The following AGBL1 variants were observed in gnomAD, a reference collection of about 807,000 sequenced individuals.
AGBL1 encodes the protein cytosolic carboxypeptidase 4.
AGBL1 carries 130 observed loss-of-function variants against 118.9 expected under a neutral mutation model. The ratio of observed to expected loss-of-function variants is 1.09; its 90% confidence interval spans 0.95 to 1.26. AGBL1 has a LOEUF of 1.26. AGBL1 is among the 50% of genes most tolerant of loss of function. The probability of loss-of-function intolerance (pLI) is 0.00; values close to 1 mark genes in which losing one functional copy is unlikely to be tolerated. For synonymous variants in AGBL1, 555 were observed against 478.9 expected, an observed-to-expected ratio of 1.16 and a Z score of -2.08; for missense variants, 1,584 against 1,298.1, an observed-to-expected ratio of 1.22 and a Z score of -3.38.
At chr15:86,223,680 G>T (rs541319848) in intron 5 of AGBL1, among the ~76,000 whole-genome samples, 5 of 152,256 alleles carry the variant, frequency 3.3e-5, no homozygotes, top group South Asian at 4.1e-4. Flanking sequence ...CTCCCTGAGT[G>T]GGGGTGTCAT....
intron 23 of AGBL1, among the ~76,000 whole-genome samples, chr15:86,936,057 C>A (rs779255281): frequency 4.6e-5 from 7 of 152,190 alleles, no homozygotes; most frequent in African/African-American, 1.7e-4. Context: ...GCAGAGCGGC[C>A]GAGGATGGGT....
Position 86,674,628 on chromosome 15 carries a change from T to C in AGBL1, c.3158+192T>C, listed in dbSNP as rs570690494. On this transcript the variant is annotated intron_variant, in intron 22 of 22. Transcript: ENST00000614907. ...AGGATGCTGCCTGTTTGTACACATA[T>C]ATGCAAATATAAAACTATATGTATT... 2.6e-5 allele frequency among the ~76,000 whole-genome samples: 4 copies of C among 152,282 alleles called. No homozygotes were observed. The East Asian group carries it at 5.8e-4, about 22-fold the overall frequency.
At chr15:86,578,100 G>A (rs552775468) in intron 21 of AGBL1, among the ~76,000 whole-genome samples, 1 of 152,280 alleles carries the variant, frequency 6.6e-6, no homozygotes, top group Admixed American at 6.5e-5. Flanking sequence ...AAAAGCCACA[G>A]ACACTCAACA....
chr15:86,146,194 G>T (rs943545534), intron 3 of AGBL1, among the ~76,000 whole-genome samples: 1 of 152,120 alleles, frequency 6.6e-6, no homozygotes, highest in Non-Finnish European at 1.5e-5. Flanking sequence ...TGTGGGTTCT[G>T]CACCCATGGA....
chr15:86,498,710 A>C (rs2142156280), intron 18 of AGBL1, among the ~76,000 whole-genome samples: 1 of 152,074 alleles, frequency 6.6e-6, no homozygotes. Flanking sequence ...GCCTATTTAC[A>C]AGATACTGGT....
intron 23 of AGBL1, among the ~76,000 whole-genome samples, chr15:86,958,895 C>CA (rs1204515462): frequency 6.6e-6 from 1 of 151,968 alleles, no homozygotes; most frequent in East Asian, 1.9e-4. Flanking sequence ...GAATAAGCCT[C>CA]AAAAATATAA....
intron 15 of AGBL1, among the ~76,000 whole-genome samples, chr15:86,272,288 A>G (rs538527933): frequency 6.6e-6 from 1 of 152,342 alleles, no homozygotes; most frequent in African/African-American, 2.4e-5. Context: ...AATTGTCCAT[A>G]TATTTTGATG....
chr15:86,505,253 A>C (rs1208198949), intron 18 of AGBL1, among the ~76,000 whole-genome samples: 1 of 151,594 alleles, frequency 6.6e-6, no homozygotes, highest in Non-Finnish European at 1.5e-5. Context: ...TCTTTCTTGG[A>C]GTTTGATGAG....
chr15:86,851,021 G>C (rs1383525035), intron 22 of AGBL1, among the ~76,000 whole-genome samples: 1 of 152,180 alleles, frequency 6.6e-6, no homozygotes, highest in Non-Finnish European at 1.5e-5. Flanking sequence ...CATTTGGAGA[G>C]GCTTTTTGGT....
intron 18 of AGBL1, among the ~76,000 whole-genome samples, chr15:86,416,044 C>T (rs1326453370): frequency 6.6e-6 from 1 of 151,980 alleles, no homozygotes; most frequent in African/African-American, 2.4e-5. Flanking sequence ...GTGTTCTTTA[C>T]CTAATAATGT....
intron 8 of AGBL1, 37 bp downstream of exon 8, chr15:86,257,055 T>C (rs767391415): frequency 3.2e-6 from 5 of 1,582,636 alleles, no homozygotes; most frequent in Non-Finnish European, 4.3e-6. Context: ...TTAAGATGAG[T>C]TTTTGCATTT....
chr15:86,654,461 C>T (rs766018070), intron 21 of AGBL1, among the ~76,000 whole-genome samples: 1 of 152,132 alleles, frequency 6.6e-6, no homozygotes, highest in Non-Finnish European at 1.5e-5. Flanking sequence ...TGTGAGCTAC[C>T]AGGCTGGCAC....
chr15:86,734,514 T>C (rs1459426861), intron 22 of AGBL1, among the ~76,000 whole-genome samples: 2 of 152,118 alleles, frequency 1.3e-5, no homozygotes, highest in East Asian at 3.9e-4. Flanking sequence ...GTGCCTCAGG[T>C]CTGCAAGAGG....
chr15:87,019,946 A>T (rs1267784701), intron 24 of AGBL1, among the ~76,000 whole-genome samples: 1 of 152,144 alleles, frequency 6.6e-6, no homozygotes, highest in South Asian at 2.1e-4. Flanking sequence ...CTGACCCCAC[A>T]GAAATATAAA....
chr15:86,158,124 A>T (rs1490493605), intron 4 of AGBL1, among the ~76,000 whole-genome samples: 1 of 152,184 alleles, frequency 6.6e-6, no homozygotes, highest in Non-Finnish European at 1.5e-5. Context: ...TGATCCAGGC[A>T]ATTACTTCAT....
intron 23 of AGBL1, among the ~76,000 whole-genome samples, chr15:86,987,245 T>C (rs2081294668): frequency 6.6e-6 from 1 of 152,200 alleles, no homozygotes. Flanking sequence ...TAGCTTGGGC[T>C]CAGAGGCCTG....
At chr15:86,692,033 T>C (rs2142607253) in intron 22 of AGBL1, among the ~76,000 whole-genome samples, 1 of 152,146 alleles carries the variant, frequency 6.6e-6, no homozygotes, top group Admixed American at 6.5e-5. Context: ...ATGAGGTTTC[T>C]TAAGCTCGAC....
At chr15:87,003,356 G>C (rs1048227535) in intron 24 of AGBL1, among the ~76,000 whole-genome samples, 1 of 150,718 alleles carries the variant, frequency 6.6e-6, no homozygotes, top group African/African-American at 2.4e-5. Context: ...TAAGGTTTTT[G>C]ATGTGCTGCT....
intron 23 of AGBL1, among the ~76,000 whole-genome samples, chr15:86,973,031 G>A (rs1168716963): frequency 2.6e-5 from 4 of 151,918 alleles, no homozygotes; most frequent in Non-Finnish European, 5.9e-5. Flanking sequence ...CTTTCTGGTT[G>A]TGTGACCTTT....
Sources: gnomAD v4.1 joint callset for allele counts (sites outside exome capture counted in the v4.1 genomes callset) on GRCh38, gnomAD v4.1.1 for gene constraint, MANE v1.5 for transcripts, NCBI Gene and HGNC (gene_info 2026-07-23, HGNC 2026-07-21) for gene names.